The following LIN9 variants were observed in gnomAD, a reference collection of about 807,000 sequenced individuals.
The protein encoded by LIN9 is lin-9 DREAM MuvB core complex component, also known as protein lin-9 homolog.
Under a neutral mutation model 78.0 loss-of-function variants are expected in LIN9, and 18 were observed. The observed-to-expected ratio is 0.23, with a 90% CI of 0.16 to 0.34. The LOEUF (loss-of-function observed/expected upper bound fraction) is 0.34, where lower values mean the gene tolerates loss of function less well. Among genes scored for constraint, LIN9 ranks in the 10% least tolerant of loss-of-function variants. The pLI is 1.00. For synonymous variants in LIN9, 192 were observed against 215.2 expected (o/e 0.89, Z 0.94); for missense variants, 451 against 644.1 (o/e 0.70, Z 3.25).
At position 226,252,923 on chromosome 1, in the gene LIN9, G is replaced by A. The variant is rs543697307; in HGVS notation, c.1039-2004C>T. Among the ~76,000 whole-genome samples the A allele has an allele frequency of 6.6e-5, 10 of 151,902 alleles. No individual in the cohort carries two copies. The South Asian group carries it at 8.3e-4, about 13-fold the overall frequency. ...CAGAGGCTGCAGTGAGCAAAGTGGC[G>A]CCACTGAACTCCAGCCTGGGGGACA... On this transcript the variant is annotated intron_variant, in intron 10 of 14. Transcript: ENST00000681046.
intron 11 of LIN9, among the ~76,000 whole-genome samples, chr1:226,247,007 A>G (rs548879051): frequency 1.3e-5 from 2 of 151,586 alleles, no homozygotes; most frequent in African/African-American, 2.4e-5. Context: ...TGTATTTCCT[A>G]TTTATCGTCT....
At chr1:226,295,050 C>T (rs1274586608) in intron 4 of LIN9, among the ~76,000 whole-genome samples, 1 of 152,040 alleles carries the variant, frequency 6.6e-6, no homozygotes, top group Non-Finnish European at 1.5e-5. Flanking sequence ...ATGCACTCAC[C>T]TTGGCTTTCC....
upstream of LIN9, chr1:226,309,243 C>A: frequency 7.4e-7 from 1 of 1,359,276 alleles, no homozygotes; most frequent in Non-Finnish European, 9.7e-7. Flanking sequence ...TCGCTGCCCG[C>A]GGCGCCGCGC....
At chr1:226,293,512 T>G (rs1661923698) in intron 4 of LIN9, among the ~76,000 whole-genome samples, 1 of 152,214 alleles carries the variant, frequency 6.6e-6, no homozygotes, top group African/African-American at 2.4e-5. Context: ...ATACAACAGC[T>G]AACTTAGCCA....
intron 10 of LIN9, among the ~76,000 whole-genome samples, chr1:226,255,210 T>C (rs547194168): frequency 2.0e-4 from 31 of 152,238 alleles, no homozygotes; most frequent in Non-Finnish European, 3.1e-4. Context: ...TGGTTCTTAG[T>C]GAATACTGCA....
At chr1:226,301,254 A>T in intron 1 of LIN9, 49 bp from the exon 2 acceptor site, 1 of 1,429,160 alleles carries the variant, frequency 7.0e-7, no homozygotes, top group Non-Finnish European at 9.7e-7. Flanking sequence ...AACCAAAGTG[A>T]GAGAAAAAGA....
chr1:226,247,877 T>G (rs2102859506), intron 11 of LIN9, among the ~76,000 whole-genome samples: 1 of 152,290 alleles, frequency 6.6e-6, no homozygotes, highest in East Asian at 1.9e-4. Context: ...TTTTGCCATG[T>G]TGGCCAGGCT....
chr1:226,260,676 G>A (rs1255149938), intron 10 of LIN9, among the ~76,000 whole-genome samples: 1 of 98,144 alleles, frequency 1.0e-5, no homozygotes, highest in Non-Finnish European at 1.8e-5. Context: ...ACAGTGTCTT[G>A]CTCTGTCACC....
At position 226,284,698 on chromosome 1, in the gene LIN9, T is replaced by C. The variant is rs185844017; in HGVS notation, c.524+1635A>G. On this transcript the variant is annotated intron_variant, in intron 6 of 14. Transcript: ENST00000681046. Reference sequence around the variant, plus strand: ...GAGATCACGCCACTGCACTCCAGCCTGGGTGACAGAGCAAGACTCTGTCTC... The same window carrying C: ...GAGATCACGCCACTGCACTCCAGCCCGGGTGACAGAGCAAGACTCTGTCTC... Among the ~76,000 whole-genome samples the C allele has an allele frequency of 3.5e-3, 537 of 152,322 alleles. 1 individual carries two copies. The highest frequency in any genetic ancestry group is 0.013 in the African/African-American group (520 of 41,578).
chr1:226,309,156 C>T lies in LIN9; in HGVS notation c.-17G>A. On this transcript the variant is annotated 5_prime_UTR_variant, in exon 1 of 15. Transcript: ENST00000681046. ...CTCCGCCATCTTGAACGAGCCGCGC[C>T]GCTTTTTCAAAGGCTGCCCGCCGCG... is the stretch of plus-strand genomic sequence containing the variant. 1 of 1,384,050 alleles carries T rather than the reference C, an allele frequency of 7.2e-7. No homozygotes were observed. The highest frequency in any genetic ancestry group is 9.5e-7 in the Non-Finnish European group (1 of 1,055,890). The allele number at this position is 1,384,050 out of a possible 1,614,324, so 85.7% of individuals were successfully genotyped here. A position where few individuals can be genotyped will look rare whatever the true frequency, so the allele number is the denominator to read the frequency against.
chr1:226,309,066 C>T, intron 1 of LIN9, 43 bp downstream of exon 1: 7 of 1,306,914 alleles, frequency 5.4e-6, no homozygotes, highest in Non-Finnish European at 6.9e-6. Context: ...GCTGGGCAAG[C>T]AGCAGGCGGG....
At chr1:226,268,865 C>T (rs73087873) in intron 7 of LIN9, among the ~76,000 whole-genome samples, 3,732 of 152,226 alleles carry the variant, frequency 0.025, 150 homozygotes, top group African/African-American at 0.086. Flanking sequence ...TGGACTTTGC[C>T]CCAAGCACCT....
chr1:226,280,567 G>C (rs930909508), intron 6 of LIN9, among the ~76,000 whole-genome samples: 2 of 152,162 alleles, frequency 1.3e-5, no homozygotes, highest in African/African-American at 4.8e-5. Context: ...CATGAGGTCA[G>C]GAGATCGAGA....
intron 10 of LIN9, among the ~76,000 whole-genome samples, chr1:226,255,148 G>T (rs1659106317): frequency 6.6e-6 from 1 of 152,108 alleles, no homozygotes; most frequent in African/African-American, 2.4e-5. Flanking sequence ...ACCCAGTTAG[G>T]AGGCTTTTTT....
At chr1:226,302,242 A>G (rs991637045) in intron 1 of LIN9, among the ~76,000 whole-genome samples, 1 of 152,132 alleles carries the variant, frequency 6.6e-6, no homozygotes, top group Non-Finnish European at 1.5e-5. Flanking sequence ...GGGTAGGGAA[A>G]GTAGAAAAAT....
In LIN9 at chr1:226,265,338, C is replaced by T. The variant is rs962985979; in HGVS notation, c.1038+195G>A. Among the ~76,000 whole-genome samples, 2 of 152,148 alleles carry T rather than the reference C, an allele frequency of 1.3e-5. No individual in the cohort carries two copies. Among genetic ancestry groups the T allele is most frequent in the African/African-American group, 2.4e-5 (1 of 41,442 alleles). On this transcript the variant is annotated intron_variant, in intron 10 of 14. Coordinates refer to ENST00000681046, the MANE Select transcript of LIN9 (RefSeq NM_001366245.2). This position sits in a 1 kb window ranked among gnomAD's most constrained non-coding sequence, Gnocchi z 4.1. ...GAATAATAAGAACTCAGACACAAGA[C>T]AAAGCTCAAGAAGAAAGATCTTTAA... is the stretch of plus-strand genomic sequence containing the variant.
intron 6 of LIN9, among the ~76,000 whole-genome samples, chr1:226,282,666 C>A (rs1007573977): frequency 4.6e-5 from 7 of 152,018 alleles, no homozygotes; most frequent in Non-Finnish European, 1.0e-4. Flanking sequence ...ACTAAAAATA[C>A]AAAAATTAGC....
chr1:226,279,608 C>CAAAAAAAAA (rs56886138), intron 6 of LIN9, among the ~76,000 whole-genome samples: 9 of 64,786 alleles, frequency 1.4e-4, no homozygotes, highest in African/African-American at 2.1e-4. Context: ...GCCAAAAATA[C>CAAAAAAAAA]AAAAAAAAAA....
rs1199119413 is a variant in LIN9, at chr1:226,257,730, C to CA, written c.1039-6812dup. Among the ~76,000 whole-genome samples the CA allele has an allele frequency of 5.3e-5, 8 of 151,166 alleles. No homozygotes were observed. The East Asian group carries it at 1.3e-3, about 26-fold the overall frequency. On this transcript the variant is annotated intron_variant, in intron 10 of 14. Coordinates refer to ENST00000681046, the MANE Select transcript of LIN9 (RefSeq NM_001366245.2). ...ATTATATAAAGTAAACCATAAAACACAAAAAAAGAGTGGAATATAAAAATA... is the reference window on the plus strand; with the variant it reads ...ATTATATAAAGTAAACCATAAAACACAAAAAAAAGAGTGGAATATAAAAATA...
Sources: gnomAD v4.1 joint callset for allele counts (sites outside exome capture counted in the v4.1 genomes callset) on GRCh38, gnomAD v4.1.1 for gene constraint, Gnocchi (gnomAD v3.1) non-coding constraint, MANE v1.5 for transcripts, NCBI Gene and HGNC (gene_info 2026-07-23, HGNC 2026-07-21) for gene names.